Variants in OPCML observed in about 807,000 individuals in gnomAD.
The protein encoded by OPCML is opioid binding protein/cell adhesion molecule like.
OPCML carries 13 observed loss-of-function variants against 37.8 expected under a neutral mutation model. That is an observed-to-expected ratio of 0.34 (90% CI 0.22 to 0.55). The LOEUF is 0.55. OPCML is among the 20% of genes least tolerant of loss of function. The pLI is 0.91. For missense variants in OPCML, 341 were observed against 435.6 expected, an observed-to-expected ratio of 0.78 and a Z score of 1.93; for synonymous variants, 176 against 168.8, an observed-to-expected ratio of 1.04 and a Z score of -0.33.
chr11:133,406,864 C>T (rs780392950), intron 1 of OPCML, among the ~76,000 whole-genome samples: 49 of 152,164 alleles, frequency 3.2e-4, no homozygotes, highest in African/African-American at 1.1e-3. Context: ...TTTTTTGAAA[C>T]CTTAATCGCA....
At chr11:132,981,937 C>T (rs1946594072) in intron 1 of OPCML, among the ~76,000 whole-genome samples, 1 of 152,158 alleles carries the variant, frequency 6.6e-6, no homozygotes, top group South Asian at 2.1e-4. Context: ...ACAGGTTTAA[C>T]GTATTTGTGT....
chr11:132,605,188 A>T (rs1426246603), intron 3 of OPCML, among the ~76,000 whole-genome samples: 1 of 152,226 alleles, frequency 6.6e-6, no homozygotes, highest in African/African-American at 2.4e-5. Flanking sequence ...CATGGGCTAG[A>T]GATAATGCAT....
At chr11:133,364,714 T>C (rs946584781) in intron 1 of OPCML, among the ~76,000 whole-genome samples, 1 of 152,202 alleles carries the variant, frequency 6.6e-6, no homozygotes, top group African/African-American at 2.4e-5. Context: ...CCCTTCTTTT[T>C]ATCTTTATTC....
At chr11:133,406,142 T>G (rs1945521571) in intron 1 of OPCML, among the ~76,000 whole-genome samples, 1 of 152,134 alleles carries the variant, frequency 6.6e-6, no homozygotes, top group Non-Finnish European at 1.5e-5. Context: ...ATTGTTATGA[T>G]CTATCATAAC....
intron 2 of OPCML, among the ~76,000 whole-genome samples, chr11:132,669,400 C>A: frequency 9.1e-6 from 1 of 109,618 alleles, no homozygotes; most frequent in Admixed American, 9.7e-5. Context: ...CTGCTGGGCA[C>A]CATGGAAAAG....
chr11:132,602,313 T>C (rs1451721357), intron 3 of OPCML, among the ~76,000 whole-genome samples: 1 of 152,242 alleles, frequency 6.6e-6, no homozygotes, highest in Non-Finnish European at 1.5e-5. Flanking sequence ...ACAAGATGTG[T>C]TATTTTCAAG....
intron 1 of OPCML, among the ~76,000 whole-genome samples, chr11:133,180,605 C>T (rs973161792): frequency 1.3e-5 from 2 of 151,962 alleles, no homozygotes; most frequent in Non-Finnish European, 2.9e-5. Flanking sequence ...AGAGTGTCTC[C>T]GGAGAAAGAT....
chr11:132,703,651 C>G (rs752396590), intron 2 of OPCML, among the ~76,000 whole-genome samples: 1 of 152,164 alleles, frequency 6.6e-6, no homozygotes, highest in Non-Finnish European at 1.5e-5. Context: ...AGTGAGCAAG[C>G]AGGCCTAGAG....
intron 1 of OPCML, among the ~76,000 whole-genome samples, chr11:133,043,694 G>A (rs1947951181): frequency 6.6e-6 from 1 of 152,160 alleles, no homozygotes; most frequent in Admixed American, 6.5e-5. Context: ...GCTCCCAATT[G>A]TGAGTGATTG....
chr11:133,449,794 TA>T (rs1252767677), intron 1 of OPCML, among the ~76,000 whole-genome samples: 1 of 151,754 alleles, frequency 6.6e-6, no homozygotes, highest in Non-Finnish European at 1.5e-5. Context: ...TCGCTATTTC[TA>T]AATAATGTCT....
chr11:133,061,574 A>G (rs535604239), intron 1 of OPCML, among the ~76,000 whole-genome samples: 7 of 152,266 alleles, frequency 4.6e-5, no homozygotes, highest in African/African-American at 1.4e-4. Context: ...TCACTCTGCT[A>G]TTCTCTTCTG....
chr11:133,225,201 T>TGGTGCCAAG (rs1939990760), intron 1 of OPCML, among the ~76,000 whole-genome samples: 1 of 152,188 alleles, frequency 6.6e-6, no homozygotes, highest in Non-Finnish European at 1.5e-5. Flanking sequence ...GGATGGAAAA[T>TGGTGCCAAG]ATTCTTTGGT....
chr11:132,790,154 C>T (rs1937799153), intron 2 of OPCML, among the ~76,000 whole-genome samples: 1 of 152,162 alleles, frequency 6.6e-6, no homozygotes, highest in South Asian at 2.1e-4. Flanking sequence ...ATGTTCGTTG[C>T]AGCACTATCC....
intron 1 of OPCML, among the ~76,000 whole-genome samples, chr11:133,048,087 T>G (rs956256958): frequency 6.6e-6 from 1 of 152,122 alleles, no homozygotes; most frequent in African/African-American, 2.4e-5. Flanking sequence ...GTAAGACGCA[T>G]GCATGGCTTC....
intron 1 of OPCML, among the ~76,000 whole-genome samples, chr11:133,183,935 G>A (rs1043063004): frequency 2.6e-5 from 4 of 152,088 alleles, no homozygotes; most frequent in Admixed American, 6.5e-5. Context: ...TGGCTCACAC[G>A]GGAGATTAAC....
chr11:132,870,095 C>T (rs577840089), intron 2 of OPCML, among the ~76,000 whole-genome samples: 18 of 152,194 alleles, frequency 1.2e-4, no homozygotes, highest in East Asian at 1.9e-4. Context: ...ACCTCATTTC[C>T]GCAACTACAT....
At chr11:132,966,251 A>G (rs565810411) in intron 1 of OPCML, among the ~76,000 whole-genome samples, 1 of 152,034 alleles carries the variant, frequency 6.6e-6, no homozygotes, top group Admixed American at 6.5e-5. Flanking sequence ...ATACGTTTCA[A>G]AATATTTTCT....
intron 2 of OPCML, among the ~76,000 whole-genome samples, chr11:132,877,204 C>A (rs1360275390): frequency 2.0e-5 from 3 of 152,084 alleles, no homozygotes; most frequent in Non-Finnish European, 1.5e-5. Flanking sequence ...ATCTTTTCAA[C>A]CTGCAGAGGA....
At chr11:133,301,874 TC>T (rs2136567246) in intron 1 of OPCML, 1 of 152,246 alleles carries the variant, frequency 6.6e-6, no homozygotes, top group Admixed American at 6.5e-5. Context: ...GGATCCATAG[TC>T]AGAAACTATA....
Sources: allele counts gnomAD v4.1 joint callset (sites outside exome capture counted in the v4.1 genomes callset), GRCh38; gene constraint gnomAD v4.1.1; transcripts MANE v1.5; gene names NCBI Gene and HGNC (gene_info 2026-07-23, HGNC 2026-07-21).